Variants in RAB38 observed in about 807,000 individuals in gnomAD.
RAB38 encodes the protein ras-related protein Rab-38.
A neutral mutation model predicts 18.4 loss-of-function variants in RAB38; 15 were observed. The ratio of observed to expected loss-of-function variants is 0.82; its 90% CI spans 0.55 to 1.26. RAB38 has a LOEUF of 1.26. Among genes scored for constraint, RAB38 ranks in the 50% most tolerant of loss-of-function variants. The probability of loss-of-function intolerance (pLI) is 0.00; values close to 1 mark genes in which losing one functional copy is unlikely to be tolerated. For missense variants in RAB38, 294 were observed against 267.4 expected, an observed-to-expected ratio of 1.10 and a Z score of -0.69; for synonymous variants, 101 against 104.4, an observed-to-expected ratio of 0.97 and a Z score of 0.20.
At chr11:87,954,105 G>A in the RAB38 span, among the ~76,000 whole-genome samples, 2 of 152,154 alleles carry the variant, frequency 1.3e-5, no homozygotes, top group East Asian at 3.9e-4. Flanking sequence ...CACACAAGCT[G>A]AGATACATAA....
At chr11:87,965,940 A>G in the RAB38 span, among the ~76,000 whole-genome samples, 1 of 152,200 alleles carries the variant, frequency 6.6e-6, no homozygotes, top group African/African-American at 2.4e-5. Context: ...TAAGAAAACA[A>G]TGTTATGTAT....
chr11:88,160,612 C>T (rs572177233), intron 1 of RAB38, among the ~76,000 whole-genome samples: 2 of 152,084 alleles, frequency 1.3e-5, no homozygotes, highest in East Asian at 3.9e-4. Flanking sequence ...TTGTTAAAGA[C>T]AACATAGTAC....
the RAB38 span, among the ~76,000 whole-genome samples, chr11:88,008,969 G>T: frequency 6.6e-6 from 1 of 152,182 alleles, no homozygotes; most frequent in South Asian, 2.1e-4. Context: ...ACTGTGCCCG[G>T]CGGAAATAAC....
the RAB38 span, among the ~76,000 whole-genome samples, chr11:88,018,771 G>A: frequency 9.2e-5 from 14 of 152,090 alleles, no homozygotes; most frequent in African/African-American, 3.4e-4. Flanking sequence ...CTAATACAAT[G>A]TAAATGCTAA....
chr11:88,005,013 C>T, the RAB38 span, among the ~76,000 whole-genome samples: 6 of 151,206 alleles, frequency 4.0e-5, no homozygotes, highest in Admixed American at 4.0e-4. Context: ...GTACAATTTT[C>T]ATGAATTGGA....
the RAB38 span, among the ~76,000 whole-genome samples, chr11:87,870,131 C>A: frequency 4.0e-5 from 6 of 151,528 alleles, no homozygotes; most frequent in Non-Finnish European, 8.9e-5. Flanking sequence ...TATTATCTAG[C>A]CTTTTAAAGT....
At chr11:87,960,305 G>A in the RAB38 span, among the ~76,000 whole-genome samples, 13 of 151,376 alleles carry the variant, frequency 8.6e-5, no homozygotes, top group South Asian at 2.3e-3. Flanking sequence ...CCCATATGAT[G>A]CTGAGATTAC....
chr11:88,021,565 T>TTTA, the RAB38 span, among the ~76,000 whole-genome samples: 6 of 8,632 alleles, frequency 7.0e-4, no homozygotes, highest in African/African-American at 2.7e-3. Context: ...AGAAAGATAA[T>TTTA]TTATTTATTT....
At chr11:88,100,497 T>C in the RAB38 span, among the ~76,000 whole-genome samples, 4 of 152,022 alleles carry the variant, frequency 2.6e-5, no homozygotes, top group Non-Finnish European at 5.9e-5. Context: ...TCATATTTTA[T>C]ATTCCACTAA....
chr11:88,026,544 C>G, the RAB38 span, among the ~76,000 whole-genome samples: 8 of 112,378 alleles, frequency 7.1e-5, no homozygotes, highest in Non-Finnish European at 1.3e-4. Context: ...GCCTGGGCTA[C>G]AGAGCGAGAC....
chr11:87,878,222 T>TATATACACACAC, the RAB38 span, among the ~76,000 whole-genome samples: 1 of 116,154 alleles, frequency 8.6e-6, no homozygotes, highest in East Asian at 2.3e-4. Flanking sequence ...TATATATATA[T>TATATACACACAC]ACACACATAT....
At chr11:87,907,177 A>G in the RAB38 span, among the ~76,000 whole-genome samples, 1 of 151,984 alleles carries the variant, frequency 6.6e-6, no homozygotes, top group Non-Finnish European at 1.5e-5. Flanking sequence ...GTGTTCCCAC[A>G]AACAACACTG....
intron 2 of RAB38, 98 bp from the exon 3 acceptor site, chr11:88,114,238 C>T: frequency 1.5e-6 from 2 of 1,301,122 alleles, no homozygotes; most frequent in Non-Finnish European, 2.2e-6. Context: ...ATATTCCTTC[C>T]TATATGCTAC....
the RAB38 span, among the ~76,000 whole-genome samples, chr11:87,976,201 C>A: frequency 6.9e-6 from 1 of 144,680 alleles, no homozygotes; most frequent in Non-Finnish European, 1.5e-5. Flanking sequence ...TATATATACT[C>A]TATGTATATT....
the RAB38 span, among the ~76,000 whole-genome samples, chr11:87,904,726 G>A: frequency 6.6e-6 from 1 of 151,550 alleles, no homozygotes; most frequent in African/African-American, 2.4e-5. Context: ...CCTTTTGTCT[G>A]CAACATGCCA....
the RAB38 span, among the ~76,000 whole-genome samples, chr11:88,027,351 A>G: frequency 0.072 from 10,977 of 152,126 alleles, 644 homozygotes; most frequent in African/African-American, 0.14. Flanking sequence ...CATCTCACTA[A>G]GGAGTGCCAG....
chr11:88,126,927 A>G (rs11018537), intron 2 of RAB38, among the ~76,000 whole-genome samples: 30,443 of 152,106 alleles, frequency 0.2, 3,357 homozygotes, highest in Middle Eastern at 0.26. Context: ...CTGAAAATAA[A>G]GCACTTGGAA....
the RAB38 span, among the ~76,000 whole-genome samples, chr11:87,928,152 T>G: frequency 6.6e-6 from 1 of 151,922 alleles, no homozygotes; most frequent in African/African-American, 2.4e-5. Flanking sequence ...GGTTTTCCAG[T>G]TGGGCTAAAT....
the RAB38 span, among the ~76,000 whole-genome samples, chr11:87,946,617 A>C: frequency 6.7e-6 from 1 of 149,912 alleles, no homozygotes; most frequent in South Asian, 2.1e-4. Flanking sequence ...TTCAATTCCC[A>C]GGTATAAGTG....
Sources: allele counts gnomAD v4.1 joint callset (sites outside exome capture counted in the v4.1 genomes callset), GRCh38; gene constraint gnomAD v4.1.1; transcripts MANE v1.5; gene names NCBI Gene and HGNC (gene_info 2026-07-23, HGNC 2026-07-21).